Variants in ZNF385D observed in about 807,000 individuals in gnomAD.
ZNF385D encodes zinc finger protein 659.
ZNF385D carries 15 observed loss-of-function variants against 35.8 expected under a neutral mutation model. The ratio of observed to expected loss-of-function variants is 0.42; its 90% CI spans 0.28 to 0.64. ZNF385D has a LOEUF of 0.64. Ranked by LOEUF, ZNF385D falls within the 30% of genes least tolerant of loss-of-function variation. The pLI, the probability that ZNF385D is intolerant of heterozygous loss-of-function variation, is 0.23. For synonymous variants in ZNF385D, 212 were observed against 186.8 expected, an observed-to-expected ratio of 1.13 and a Z score of -1.10; for missense variants, 474 against 494.6, an observed-to-expected ratio of 0.96 and a Z score of 0.39.
At chr3:21,853,507 CT>C (rs753500007) in intron 3 of ZNF385D, among the ~76,000 whole-genome samples, 6,365 of 45,220 alleles carry the variant, frequency 0.14, 405 homozygotes, top group African/African-American at 0.37. Flanking sequence ...AATTGCAGTC[CT>C]TTTTTTTTTT....
At chr3:22,083,475 G>A (rs1222372969) in intron 3 of ZNF385D, among the ~76,000 whole-genome samples, 3 of 152,188 alleles carry the variant, frequency 2.0e-5, no homozygotes, top group African/African-American at 7.2e-5. Context: ...CTGGAAGAAA[G>A]GGTATCAGTG....
chr3:21,610,263 A>G (rs976855911), intron 2 of ZNF385D, among the ~76,000 whole-genome samples: 2 of 152,200 alleles, frequency 1.3e-5, no homozygotes, highest in African/African-American at 4.8e-5. Flanking sequence ...ACCATATAAG[A>G]ACACGAATAC....
intron 3 of ZNF385D, among the ~76,000 whole-genome samples, chr3:21,829,602 T>A (rs777876237): frequency 1.3e-5 from 2 of 149,736 alleles, no homozygotes; most frequent in Non-Finnish European, 3.0e-5. Context: ...TTCGAGAAGA[T>A]GACTTTTCTT....
chr3:22,153,839 A>C (rs190093398), intron 3 of ZNF385D, among the ~76,000 whole-genome samples: 114 of 152,102 alleles, frequency 7.5e-4, no homozygotes, highest in African/African-American at 2.3e-3. Context: ...CAGCTTCCTC[A>C]GCCATATTTT....
intron 3 of ZNF385D, among the ~76,000 whole-genome samples, chr3:21,878,512 C>A (rs1399060197): frequency 7.0e-6 from 1 of 142,126 alleles, no homozygotes; most frequent in Admixed American, 7.1e-5. Context: ...TTTGTGTTTT[C>A]ACTCACTAAT....
Position 21,908,713 on chromosome 3 carries a change from A to G in ZNF385D, c.326-243685T>C, listed in dbSNP as rs557253305. Among the ~76,000 whole-genome samples, 52 of 152,200 alleles carry G rather than the reference A, an allele frequency of 3.4e-4. No individual in the cohort carries two copies. In the South Asian group the frequency reaches 9.3e-3, roughly 27 times the overall value. On this transcript the variant is annotated intron_variant, in intron 3 of 5. Coordinates refer to the ZNF385D transcript ENST00000494108. ...CAGGGAAAGAAAACAGCATGGGCAA[A>G]GTTCTCAACTCCATCTATTTTTCAA...
intron 2 of ZNF385D, among the ~76,000 whole-genome samples, chr3:22,321,336 G>C (rs2125445476): frequency 6.6e-6 from 1 of 151,720 alleles, no homozygotes; most frequent in Non-Finnish European, 1.5e-5. Context: ...GGGGGATTCA[G>C]TCTATATATA....
At chr3:21,450,264 TA>T (rs1348142019) in intron 4 of ZNF385D, among the ~76,000 whole-genome samples, 4 of 152,164 alleles carry the variant, frequency 2.6e-5, no homozygotes, top group Admixed American at 1.3e-4. Context: ...GACCACACAT[TA>T]GGAAACTGTG....
chr3:22,337,307 G>A (rs1283960748), intron 2 of ZNF385D, among the ~76,000 whole-genome samples: 1 of 152,104 alleles, frequency 6.6e-6, no homozygotes, highest in Non-Finnish European at 1.5e-5. Flanking sequence ...CGAGGTGGGG[G>A]CAGCTCACTT....
At chr3:21,932,486 A>G (rs1343552543) in intron 3 of ZNF385D, among the ~76,000 whole-genome samples, 1 of 151,962 alleles carries the variant, frequency 6.6e-6, no homozygotes, top group Non-Finnish European at 1.5e-5. Context: ...ATCCCTCTAC[A>G]GAGCTTTTGA....
chr3:21,833,134 G>A lies in ZNF385D; in HGVS notation c.326-168106C>T, dbSNP rs567096719. On this transcript the variant is annotated intron_variant, in intron 3 of 5. Transcript: ENST00000494108. ...ACTGTACCAGATACTGTGTTGTGTT[G>A]GGTACTAGGAACACTGCAGAGATCA... 9.2e-5 allele frequency among the ~76,000 whole-genome samples: 14 copies of A among 152,040 alleles called. 2 individuals carry two copies. In the East Asian group the frequency reaches 1.4e-3, roughly 15 times the overall value.
chr3:21,965,078 T>G (rs1341898863), intron 3 of ZNF385D, among the ~76,000 whole-genome samples: 9 of 152,298 alleles, frequency 5.9e-5, no homozygotes, highest in African/African-American at 2.2e-4. Flanking sequence ...CCTGGAAGAT[T>G]GAAAAATTTT....
intron 2 of ZNF385D, among the ~76,000 whole-genome samples, chr3:22,264,405 C>T (rs1249195223): frequency 6.6e-6 from 1 of 152,014 alleles, no homozygotes; most frequent in East Asian, 1.9e-4. Flanking sequence ...GACAATTGAT[C>T]AGTGGCAGGG....
intron 2 of ZNF385D, among the ~76,000 whole-genome samples, chr3:22,212,104 A>G (rs1697561167): frequency 6.6e-6 from 1 of 151,870 alleles, no homozygotes; most frequent in Admixed American, 6.6e-5. Context: ...TTCTTCACAA[A>G]CCTCTGTTTT....
At chr3:22,181,668 G>C (rs1037519604) in intron 2 of ZNF385D, among the ~76,000 whole-genome samples, 7 of 148,502 alleles carry the variant, frequency 4.7e-5, no homozygotes. Flanking sequence ...ACTGCACTCC[G>C]GCCTGGGCGA....
intron 4 of ZNF385D, among the ~76,000 whole-genome samples, chr3:21,492,767 T>A (rs999484864): frequency 1.1e-5 from 1 of 87,532 alleles, no homozygotes; most frequent in Non-Finnish European, 2.2e-5. Flanking sequence ...CTAGCAAGAC[T>A]CTGTTTCAAA....
At chr3:22,141,311 A>C (rs1057296364) in intron 3 of ZNF385D, among the ~76,000 whole-genome samples, 4 of 152,194 alleles carry the variant, frequency 2.6e-5, no homozygotes, top group African/African-American at 9.7e-5. Flanking sequence ...TTTTCAAAGA[A>C]CATATTCTCT....
intron 2 of ZNF385D, among the ~76,000 whole-genome samples, chr3:21,615,433 T>C (rs930056659): frequency 2.6e-5 from 4 of 152,160 alleles, no homozygotes; most frequent in Non-Finnish European, 4.4e-5. Flanking sequence ...TGTTAATAAA[T>C]AGTAACACAA....
At chr3:21,910,084 TACAC>T (rs112815077) in intron 3 of ZNF385D, among the ~76,000 whole-genome samples, 17 of 149,224 alleles carry the variant, frequency 1.1e-4, no homozygotes, top group Non-Finnish European at 3.0e-5. Flanking sequence ...ACATATATTT[TACAC>T]ACACACACAC....
Sources: gnomAD v4.1 joint callset for allele counts (sites outside exome capture counted in the v4.1 genomes callset) on GRCh38, gnomAD v4.1.1 for gene constraint, MANE v1.5 for transcripts, NCBI Gene and HGNC (gene_info 2026-07-23, HGNC 2026-07-21) for gene names.